The following ADAMTSL1 variants were observed in gnomAD, a reference collection of about 807,000 sequenced individuals.
ADAMTSL1 encodes ADAMTS like 1.
A neutral mutation model predicts 201.8 loss-of-function variants in ADAMTSL1; 126 were observed. That is an observed-to-expected ratio of 0.62 (90% confidence interval 0.54 to 0.72). ADAMTSL1 has a LOEUF of 0.72. ADAMTSL1 is among the 30% of genes least tolerant of loss of function. The pLI is 0.00. For synonymous variants in ADAMTSL1, 1,121 were observed against 903.4 expected (o/e 1.24, Z -4.32); for missense variants, 2,679 against 2,277.8 (o/e 1.18, Z -3.59).
intron 2 of ADAMTSL1, among the ~76,000 whole-genome samples, chr9:18,248,151 T>C (rs1831333417): frequency 6.6e-6 from 1 of 152,172 alleles, no homozygotes; most frequent in Non-Finnish European, 1.5e-5. Context: ...TGAACATTGC[T>C]AGATGCCATA....
rs543364488 is a variant in ADAMTSL1 at position 17,930,600 on chromosome 9, T to G, written c.87+23678T>G. Among the ~76,000 whole-genome samples the G allele has an allele frequency of 8.5e-5, 13 of 152,270 alleles. No homozygotes were observed. The East Asian group carries it at 2.5e-3, about 29-fold the overall frequency. On this transcript the variant is annotated intron_variant, in intron 1 of 29. Coordinates refer to the ADAMTSL1 transcript ENST00000680146. ...TATATGTGCAAGTGTGTGGCTGATG[T>G]CTGGATACATATGGATTCACAAATG...
At chr9:18,683,328 G>T (rs991573217) in intron 12 of ADAMTSL1, among the ~76,000 whole-genome samples, 2 of 151,200 alleles carry the variant, frequency 1.3e-5, no homozygotes, top group Non-Finnish European at 2.9e-5. Context: ...AGGCTGAGGC[G>T]ATTCTCCTAC....
At chr9:18,822,925 G>A (rs889511978) in intron 21 of ADAMTSL1, among the ~76,000 whole-genome samples, 1 of 152,124 alleles carries the variant, frequency 6.6e-6, no homozygotes, top group Non-Finnish European at 1.5e-5. Context: ...TCAAGGGCTG[G>A]TGACGTTTTT....
At chr9:17,925,930 A>G (rs992981046) in intron 1 of ADAMTSL1, among the ~76,000 whole-genome samples, 1 of 152,080 alleles carries the variant, frequency 6.6e-6, no homozygotes, top group Non-Finnish European at 1.5e-5. Context: ...GTGCTGCTCA[A>G]TACCTTCTCT....
At chr9:18,136,407 G>A (rs1357679235) in intron 1 of ADAMTSL1, among the ~76,000 whole-genome samples, 1 of 152,042 alleles carries the variant, frequency 6.6e-6, no homozygotes, top group Non-Finnish European at 1.5e-5. Context: ...AATCCCTGTA[G>A]TCATGGTATG....
At chr9:18,166,581 C>T (rs773988254) in intron 2 of ADAMTSL1, among the ~76,000 whole-genome samples, 1 of 151,798 alleles carries the variant, frequency 6.6e-6, no homozygotes, top group African/African-American at 2.4e-5. Context: ...GGATGTTTGC[C>T]AACTGGAAAT....
At chr9:18,012,603 G>T (rs1185464326) in intron 1 of ADAMTSL1, among the ~76,000 whole-genome samples, 1 of 152,044 alleles carries the variant, frequency 6.6e-6, no homozygotes, top group East Asian at 1.9e-4. Flanking sequence ...TCACAGATTT[G>T]TGTGAGAATG....
chr9:18,274,001 C>G (rs1427323763), intron 2 of ADAMTSL1, among the ~76,000 whole-genome samples: 1 of 152,154 alleles, frequency 6.6e-6, no homozygotes, highest in Non-Finnish European at 1.5e-5. Flanking sequence ...TGCATACATA[C>G]AAATCATAAT....
chr9:18,086,752 G>A (rs1026170431), intron 1 of ADAMTSL1, among the ~76,000 whole-genome samples: 1 of 152,192 alleles, frequency 6.6e-6, no homozygotes, highest in African/African-American at 2.4e-5. Flanking sequence ...TGACTAAAAT[G>A]ATGCTTATGA....
chr9:18,264,182 A>G (rs1311037387), intron 2 of ADAMTSL1, among the ~76,000 whole-genome samples: 1 of 151,998 alleles, frequency 6.6e-6, no homozygotes, highest in African/African-American at 2.4e-5. Flanking sequence ...CAATCCAGTT[A>G]TTTATTTATT....
At chr9:18,525,462 A>T (rs1818977936) in intron 2 of ADAMTSL1, among the ~76,000 whole-genome samples, 3 of 151,972 alleles carry the variant, frequency 2.0e-5, no homozygotes, top group Admixed American at 6.6e-5. Flanking sequence ...CTCTGATCTT[A>T]GTAGTTTCTT....
At chr9:18,212,722 T>C (rs1427740298) in intron 2 of ADAMTSL1, among the ~76,000 whole-genome samples, 3 of 152,166 alleles carry the variant, frequency 2.0e-5, no homozygotes, top group Non-Finnish European at 4.4e-5. Context: ...TAGTTAGAGT[T>C]TGAGTTGTCT....
chr9:18,366,778 C>T (rs1233777402), intron 2 of ADAMTSL1, among the ~76,000 whole-genome samples: 2 of 151,338 alleles, frequency 1.3e-5, no homozygotes, highest in Admixed American at 1.3e-4. Flanking sequence ...CCACCATTCC[C>T]GGCTAATTTT....
chr9:18,769,661 G>A (rs544886069), intron 16 of ADAMTSL1, among the ~76,000 whole-genome samples: 6 of 152,290 alleles, frequency 3.9e-5, no homozygotes, highest in Admixed American at 2.6e-4. Flanking sequence ...AGCCAGCAGC[G>A]AGGAGAAAGA....
chr9:18,015,423 C>G (rs536180723), intron 1 of ADAMTSL1, among the ~76,000 whole-genome samples: 1 of 152,066 alleles, frequency 6.6e-6, no homozygotes, highest in African/African-American at 2.4e-5. Flanking sequence ...CTATTCCTGC[C>G]ACTCCCTTGG....
intron 2 of ADAMTSL1, among the ~76,000 whole-genome samples, chr9:18,211,998 T>C (rs181480851): frequency 6.6e-6 from 1 of 152,234 alleles, no homozygotes; most frequent in African/African-American, 2.4e-5. Context: ...GGAATGAAAG[T>C]CTCATTCAAG....
At chr9:18,672,883 C>T (rs576839131) in intron 9 of ADAMTSL1, among the ~76,000 whole-genome samples, 1 of 137,310 alleles carries the variant, frequency 7.3e-6, no homozygotes, top group East Asian at 2.0e-4. Context: ...TGCTCATGCT[C>T]ACCTTCTCTT....
Position 18,680,306 on chromosome 9 carries a change from CTGT to C in ADAMTSL1, c.1137-5_1137-3del. 6.2e-7 allele frequency: 1 copy of C among 1,613,816 alleles called. No individual in the cohort carries two copies. The highest frequency in any genetic ancestry group is 2.2e-5 in the East Asian group (1 of 44,868). ...TCTGCCCTGATGACTCCCCTTGCTT[CTGT>C]AGGTGGGAGGCCACCCCATGGACCG... On this transcript the variant is annotated splice_polypyrimidine_tract_variant and splice_region_variant and intron_variant, in intron 10 of 28. Coordinates refer to ENST00000380548, the MANE Select transcript of ADAMTSL1 (RefSeq NM_001040272.6).
At chr9:18,191,442 G>C (rs1180422024) in intron 2 of ADAMTSL1, among the ~76,000 whole-genome samples, 1 of 152,116 alleles carries the variant, frequency 6.6e-6, no homozygotes, top group Non-Finnish European at 1.5e-5. Context: ...ACCACACTAA[G>C]CCACTTTCTT....
Sources: gnomAD v4.1 joint callset for allele counts (sites outside exome capture counted in the v4.1 genomes callset) on GRCh38, gnomAD v4.1.1 for gene constraint, MANE v1.5 for transcripts, NCBI Gene and HGNC (gene_info 2026-07-23, HGNC 2026-07-21) for gene names.